GSG1L2: variants seen among roughly 807,000 people sequenced by gnomAD.
The protein encoded by GSG1L2 is germ cell-specific gene 1-like protein 2.
Under a neutral mutation model 9.0 loss-of-function variants are expected in GSG1L2, and 15 were observed. The ratio of observed to expected loss-of-function variants is 1.67; its 90% CI spans 1.12 to 2.57. GSG1L2 has a LOEUF of 2.57. Ranked by LOEUF, GSG1L2 falls within the 30% of genes most tolerant of loss-of-function variation. The pLI is 0.00. For synonymous variants in GSG1L2, 127 were observed against 57.9 expected, an observed-to-expected ratio of 2.19 and a Z score of -5.41; for missense variants, 286 against 150.3, an observed-to-expected ratio of 1.90 and a Z score of -4.72.
rs868350952 is a variant in GSG1L2, at chr17:9,820,432, G to C, written c.310+1330C>G. On this transcript the variant is annotated intron_variant, in intron 1 of 4. Coordinates refer to ENST00000399363, the MANE Select transcript of GSG1L2 (RefSeq NM_001310219.2). The surrounding 1 kb of genome is among the most constrained non-coding windows in gnomAD (Gnocchi z 4.9). The stretch of plus-strand genomic sequence containing the variant: ...ACTTTTGCCTCTGTCCATGAAGGTG[G>C]GGAAGAGACTCATAGGAAGATAGCA... Among the ~76,000 whole-genome samples the C allele has an allele frequency of 1.3e-5, 2 of 152,204 alleles. No individual in the cohort carries two copies. Among genetic ancestry groups the C allele is most frequent in the South Asian group, 2.1e-4 (1 of 4,828 alleles).
chr17:9,816,525 TGTCTCTGTGTGCACGTGC>T (rs2066562633), intron 1 of GSG1L2, among the ~76,000 whole-genome samples: 1 of 150,712 alleles, frequency 6.6e-6, no homozygotes, highest in South Asian at 2.1e-4. Context: ...TGCGTGTCTG[TGTCTCTGTGTGCACGTGC>T]GTGTGTCTGT....
chr17:9,805,307 G>A (rs935872978), intron 4 of GSG1L2: 1 of 150,192 alleles, frequency 6.7e-6, no homozygotes, highest in African/African-American at 2.5e-5. Context: ...TGAATGTGGA[G>A]AAAAGAGGAT....
chr17:9,821,969 TC>T lies in GSG1L2; in HGVS notation c.102del (p.Thr35ProfsTer5), dbSNP rs1435876670. 3 of 702,982 alleles carry T rather than the reference TC, an allele frequency of 4.3e-6. No individual in the cohort carries two copies. The highest frequency in any genetic ancestry group is 7.8e-6 in the Non-Finnish European group (3 of 384,998). The allele number at this position is 702,982 out of a possible 1,614,324, so 43.5% of individuals were successfully genotyped here. On this transcript the variant is annotated frameshift_variant, in exon 1 of 5. Coordinates refer to ENST00000399363, the MANE Select transcript of GSG1L2 (RefSeq NM_001310219.2). LOFTEE classifies it high-confidence loss of function. ...CACAGTGGCTTCACCACCCGTCGGGTCCCCTCACACCAGTGGCTGCTGACCA... is the reference window on the plus strand; with the variant it reads ...CACAGTGGCTTCACCACCCGTCGGGTCCCTCACACCAGTGGCTGCTGACCA... ...TAVVSSHWCE[G>X]TRRVVKPLCQ... is the part of the protein sequence containing the mutation.
intron 1 of GSG1L2, 46 bp downstream of exon 1, chr17:9,821,716 C>A (rs1212659182): frequency 4.3e-6 from 3 of 691,558 alleles, no homozygotes; most frequent in Non-Finnish European, 7.9e-6. Flanking sequence ...AGAGCCCCTG[C>A]CCCATCCCGC....
intron 2 of GSG1L2, 145 bp from the exon 3 acceptor site, chr17:9,809,127 C>G (rs1382175233): frequency 1.5e-5 from 9 of 615,742 alleles, no homozygotes; most frequent in South Asian, 7.5e-5. Context: ...TCTGCTGAAT[C>G]TTAGCTGGCA....
At chr17:9,805,278 C>T (rs538411088) in intron 4 of GSG1L2, among the ~76,000 whole-genome samples, 10 of 152,030 alleles carry the variant, frequency 6.6e-5, no homozygotes, top group East Asian at 5.8e-4. Flanking sequence ...TCCCCCACCC[C>T]AAGCACATAG....
rs747364162 is a variant in GSG1L2, at chr17:9,802,174, A to T, written c.*212T>A. Among the ~76,000 whole-genome samples, 2 of 152,232 alleles carry T rather than the reference A, an allele frequency of 1.3e-5. No homozygotes were observed. The highest frequency in any genetic ancestry group is 2.9e-5 in the Non-Finnish European group (2 of 68,032). ...AGTGTCAATGGTTGATATCTTCAGTAAGCATTATCTCACTTCAAGGTACTG... is the reference window on the plus strand; with the variant it reads ...AGTGTCAATGGTTGATATCTTCAGTTAGCATTATCTCACTTCAAGGTACTG... On this transcript the variant is annotated 3_prime_UTR_variant, in exon 5 of 5. Coordinates refer to ENST00000399363, the MANE Select transcript of GSG1L2 (RefSeq NM_001310219.2).
At chr17:9,805,622 A>G (rs2066513741) in intron 4 of GSG1L2, 1 of 152,208 alleles carries the variant, frequency 6.6e-6, no homozygotes, top group African/African-American at 2.4e-5. Context: ...ATGTACTCCC[A>G]GAAAAGGTAA....
rs2066519836 is a variant in GSG1L2 at position 9,807,408 on chromosome 17, G to A, written c.623+82C>T. ...AGATGCCAGCACTATGACCAAGGTT[G>A]GTCATCCTACAAAACATGTGTATGT... On this transcript the variant is annotated intron_variant, in intron 4 of 4. Coordinates refer to ENST00000399363, the MANE Select transcript of GSG1L2 (RefSeq NM_001310219.2). The A allele has an allele frequency of 5.8e-6, 4 of 690,840 alleles. No homozygotes were observed. The Admixed American group carries it at 8.1e-5, about 14-fold the overall frequency. 42.8% of individuals were successfully genotyped at this position (690,840 alleles called of 1,614,324 possible). A position where few individuals can be genotyped will look rare whatever the true frequency, so the allele number is the denominator to read the frequency against.
chr17:9,802,504 G>C lies in GSG1L2; in HGVS notation c.764C>G (p.Pro255Arg). ...TTTCCAAATGCTCTCCGAAGCCTCG[G>C]GTTCCAGGAAGCTGTGTTGAGAGTG... ...SRHSQHSFLE[P>R]EASESIWKTG... The change falls in exon 5 of 5, where the codon CCC becomes CGC. Residue 255 changes from proline (P) to arginine (R), a missense_variant. By Grantham distance (103) the Pro-to-Arg change is moderately radical. Transcript: ENST00000399363. 1.4e-6 allele frequency: 1 copy of C among 702,810 alleles called. No individual in the cohort carries two copies. The highest frequency in any genetic ancestry group is 1.5e-5 in the South Asian group (1 of 67,566). The allele number at this position is 702,810 out of a possible 1,614,324, so 43.5% of individuals were successfully genotyped here.
In GSG1L2 at chr17:9,815,505, TG is replaced by T. The variant is rs370917797; in HGVS notation, c.311-4888del. Among the ~76,000 whole-genome samples the T allele has an allele frequency of 4.7e-3, 713 of 152,304 alleles. 3 individuals carry two copies. The highest frequency in any genetic ancestry group is 0.016 in the African/African-American group (675 of 41,564). ...AAATCTCTTCTATGCTCCATAAATT[TG>T]GGGGAAACACTGGAATATGTAATGT... On this transcript the variant is annotated intron_variant, in intron 1 of 4. Coordinates refer to ENST00000399363, the MANE Select transcript of GSG1L2 (RefSeq NM_001310219.2).
intron 1 of GSG1L2, among the ~76,000 whole-genome samples, chr17:9,819,929 A>T (rs1377542261): frequency 6.6e-6 from 1 of 151,088 alleles, no homozygotes; most frequent in African/African-American, 2.4e-5. Context: ...CTTTTTCTTT[A>T]AAAAAAAATT....
rs1469478475 is a variant in GSG1L2, at chr17:9,802,560, G to A, written c.708C>T (p.Thr236=). Residue 236 remains threonine (T), a synonymous_variant, in exon 5 of 5, where the codon ACC becomes ACT. Coordinates refer to ENST00000399363, the MANE Select transcript of GSG1L2 (RefSeq NM_001310219.2). The part of the protein sequence containing the change: ...SRFTAARLEF[T]EKQQAQNGSR... ...TGCCGTTCTGTGCCTGCTGCTTCTC[G>A]GTGAATTCCAGGCGGGCTGCCGTGA... 7 of 702,766 alleles carry A rather than the reference G, an allele frequency of 1.0e-5. No homozygotes were observed. Among genetic ancestry groups the A allele is most frequent in the African/African-American group, 1.7e-5 (1 of 57,200 alleles). 43.5% of individuals were successfully genotyped at this position (702,766 alleles called of 1,614,324 possible). A position where few individuals can be genotyped will look rare whatever the true frequency, so the allele number is the denominator to read the frequency against.
At chr17:9,821,646 A>C (rs878962815) in intron 1 of GSG1L2, 116 bp downstream of exon 1, 2 of 642,578 alleles carry the variant, frequency 3.1e-6, no homozygotes, top group East Asian at 2.7e-5. Flanking sequence ...GAGCCCCTGC[A>C]TCATCCCGCA....
intron 1 of GSG1L2, among the ~76,000 whole-genome samples, chr17:9,816,689 G>A (rs1348436295): frequency 6.7e-6 from 1 of 150,370 alleles, no homozygotes; most frequent in Non-Finnish European, 1.5e-5. Context: ...GTGTGTGTCT[G>A]TGTATGTGTG....
chr17:9,809,351 GC>G, intron 2 of GSG1L2: 1 of 314,766 alleles, frequency 3.2e-6, no homozygotes, highest in Non-Finnish European at 6.1e-6. Flanking sequence ...CAAGAACGAA[GC>G]CACAGACCTT....
At chr17:9,812,053 A>C (rs993403951) in intron 1 of GSG1L2, among the ~76,000 whole-genome samples, 3 of 152,262 alleles carry the variant, frequency 2.0e-5, no homozygotes, top group African/African-American at 4.8e-5. Context: ...TACATGAAAC[A>C]ATACTTACGA....
intron 1 of GSG1L2, among the ~76,000 whole-genome samples, chr17:9,811,896 C>A (rs1218858751): frequency 6.6e-6 from 1 of 152,222 alleles, no homozygotes; most frequent in African/African-American, 2.4e-5. Flanking sequence ...CGCCCCCAGT[C>A]TGATCCTGGT....
chr17:9,816,910 C>CTG (rs56337214), intron 1 of GSG1L2, among the ~76,000 whole-genome samples: 8,404 of 94,122 alleles, frequency 0.089, 339 homozygotes, highest in Middle Eastern at 0.11. Flanking sequence ...GTGTGTGTAT[C>CTG]TGTGTGTGTG....
Sources: allele counts gnomAD v4.1 joint callset (sites outside exome capture counted in the v4.1 genomes callset), GRCh38; gene constraint gnomAD v4.1.1; non-coding constraint Gnocchi (gnomAD v3.1); transcripts MANE v1.5; gene names NCBI Gene and HGNC (gene_info 2026-07-23, HGNC 2026-07-21).